Variants in KIAA2012 observed in about 807,000 individuals in gnomAD.
KIAA2012 encodes the protein KIAA2012.
Under a neutral mutation model 150.6 loss-of-function variants are expected in KIAA2012, and 125 were observed. The ratio of observed to expected loss-of-function variants is 0.83; its 90% confidence interval spans 0.72 to 0.96. The LOEUF (loss-of-function observed/expected upper bound fraction) is 0.96. Among genes scored for constraint, KIAA2012 ranks in the 40% least tolerant of loss-of-function variants. KIAA2012 has a pLI of 0.00. For missense variants in KIAA2012, 1,219 were observed against 1,354.9 expected (o/e 0.90, Z 1.57); for synonymous variants, 462 against 504.7 (o/e 0.92, Z 1.13).
At chr2:202,189,000 T>C (rs141072397) in intron 18 of KIAA2012, among the ~76,000 whole-genome samples, 1 of 152,326 alleles carries the variant, frequency 6.6e-6, no homozygotes, top group East Asian at 1.9e-4. Flanking sequence ...CAACAATGGA[T>C]ACACTCCTGA....
rs60119764 is a variant in KIAA2012, at chr2:202,126,617, A to ATGGTGGTGG, written c.1831+1368_1831+1376dup. On this transcript the variant is annotated intron_variant, in intron 12 of 23. Transcript: ENST00000498697. ...GGAGCCCTCAGTAAAAATGATGATG[A>ATGGTGGTGG]TGGTGGTGGTGGTGGTGGTGGTGGT... Among the ~76,000 whole-genome samples the ATGGTGGTGG allele has an allele frequency of 1.4e-4, 20 of 146,250 alleles. No homozygotes were observed. In the East Asian group the frequency reaches 2.9e-3, roughly 21 times the overall value.
intron 2 of KIAA2012, among the ~76,000 whole-genome samples, chr2:202,082,596 T>TAA (rs200520282): frequency 2.2e-5 from 1 of 46,166 alleles, no homozygotes; most frequent in Non-Finnish European, 4.5e-5. Context: ...AGTCTGTCTT[T>TAA]AAAAAAAAAA....
At chr2:202,102,262 T>A (rs753089780) in intron 7 of KIAA2012, among the ~76,000 whole-genome samples, 2 of 152,218 alleles carry the variant, frequency 1.3e-5, no homozygotes, top group African/African-American at 4.8e-5. Flanking sequence ...ACACAATGAT[T>A]CTTTTTCAGC....
intron 10 of KIAA2012, 55 bp from the exon 11 acceptor site, chr2:202,113,281 T>A (rs1690424379): frequency 7.2e-7 from 1 of 1,396,146 alleles, no homozygotes; most frequent in African/African-American, 1.4e-5. Context: ...AGGTTTGGTC[T>A]GTCTCCCTCA....
chr2:202,202,730 C>A, intron 23 of KIAA2012, 143 bp downstream of exon 23: 1 of 385,578 alleles, frequency 2.6e-6, no homozygotes, highest in Non-Finnish European at 4.6e-6. Flanking sequence ...GAGTTTGAGA[C>A]CATCCTAGGC....
chr2:202,125,035 A>G (rs1690745710), intron 11 of KIAA2012, among the ~76,000 whole-genome samples, 179 bp from the exon 12 acceptor site: 1 of 152,258 alleles, frequency 6.6e-6, no homozygotes, highest in Admixed American at 6.5e-5. Flanking sequence ...GTGCCACTGC[A>G]CTATAGCGTG....
intron 14 of KIAA2012, 97 bp downstream of exon 14, chr2:202,154,907 C>A: frequency 7.5e-7 from 1 of 1,326,520 alleles, no homozygotes; most frequent in South Asian, 1.7e-5. Context: ...CTTCAGAAGT[C>A]CCTCAGAGCT....
intron 11 of KIAA2012, chr2:202,114,086 C>T (rs1436168699): frequency 6.6e-6 from 1 of 152,300 alleles, no homozygotes; most frequent in African/African-American, 2.4e-5. Flanking sequence ...AAGCTGCACT[C>T]ATCTGGGGGG....
chr2:202,168,917 A>G (rs985130112), intron 15 of KIAA2012, among the ~76,000 whole-genome samples: 2 of 152,214 alleles, frequency 1.3e-5, no homozygotes, highest in Non-Finnish European at 1.5e-5. Context: ...TGTCAAAAAA[A>G]GGAGGCCCAG....
chr2:202,110,603 G>T (rs2105927682), intron 10 of KIAA2012, among the ~76,000 whole-genome samples: 1 of 152,350 alleles, frequency 6.6e-6, no homozygotes, highest in African/African-American at 2.4e-5. Context: ...ATTGTATAAA[G>T]AAAGAGGTAT....
intron 2 of KIAA2012, among the ~76,000 whole-genome samples, chr2:202,075,996 C>T (rs1029536180): frequency 6.6e-6 from 1 of 152,248 alleles, no homozygotes; most frequent in Non-Finnish European, 1.5e-5. Flanking sequence ...CATAAGGCCC[C>T]ACCCATGTGA....
chr2:202,083,566 G>T (rs1045460428), intron 2 of KIAA2012, among the ~76,000 whole-genome samples: 3 of 152,240 alleles, frequency 2.0e-5, no homozygotes, highest in Non-Finnish European at 4.4e-5. Context: ...CTGAGAGAAG[G>T]ACTTCTGGCT....
intron 6 of KIAA2012, 27 bp downstream of exon 6, chr2:202,099,823 G>A (rs1469532972): frequency 1.3e-6 from 2 of 1,532,912 alleles, no homozygotes; most frequent in Non-Finnish European, 8.8e-7. Context: ...CTTGCTCATT[G>A]ATCTGGGTAA....
At chr2:202,113,916 G>A (rs554958280) in intron 11 of KIAA2012, 2 of 153,252 alleles carry the variant, frequency 1.3e-5, no homozygotes, top group African/African-American at 2.4e-5. Context: ...CTTCTGGCAT[G>A]TTCACTTTTT....
intron 12 of KIAA2012, among the ~76,000 whole-genome samples, chr2:202,134,487 A>C (rs1490840963): frequency 6.6e-6 from 1 of 152,242 alleles, no homozygotes; most frequent in Non-Finnish European, 1.5e-5. Flanking sequence ...GATGGGGCCC[A>C]AAAGAGGGTC....
At chr2:202,172,809 G>T (rs1171789315) in intron 15 of KIAA2012, among the ~76,000 whole-genome samples, 1 of 152,216 alleles carries the variant, frequency 6.6e-6, no homozygotes, top group Non-Finnish European at 1.5e-5. Context: ...CCACTCACCA[G>T]AATCTACAGC....
intron 12 of KIAA2012, 28 bp downstream of exon 12, chr2:202,125,310 C>T: frequency 2.0e-6 from 3 of 1,503,176 alleles, no homozygotes; most frequent in Middle Eastern, 1.7e-4. Context: ...AAAGTCACCT[C>T]GACTTCTCTA....
chr2:202,135,366 T>G (rs1691037841), intron 12 of KIAA2012, among the ~76,000 whole-genome samples: 1 of 152,232 alleles, frequency 6.6e-6, no homozygotes, highest in African/African-American at 2.4e-5. Context: ...ACCAGGCCTT[T>G]GTTTGCAGCC....
chr2:202,091,108 T>C (rs905496233), intron 3 of KIAA2012, among the ~76,000 whole-genome samples, 179 bp downstream of exon 3: 2 of 152,376 alleles, frequency 1.3e-5, no homozygotes, highest in African/African-American at 2.4e-5. Flanking sequence ...TCCTTTGTCC[T>C]CTGACGCATT....
Sources: allele counts gnomAD v4.1 joint callset (sites outside exome capture counted in the v4.1 genomes callset), GRCh38; gene constraint gnomAD v4.1.1; transcripts MANE v1.5; gene names NCBI Gene and HGNC (gene_info 2026-07-23, HGNC 2026-07-21).